Variants in EPG5 observed in about 807,000 individuals in gnomAD.
EPG5 encodes the protein ectopic P granules protein 5 homolog.
EPG5 carries 159 observed loss-of-function variants against 302.7 expected under a neutral mutation model. That is an observed-to-expected ratio of 0.53 (90% confidence interval 0.46 to 0.60). EPG5 has a LOEUF of 0.60. Among genes scored for constraint, EPG5 ranks in the 20% least tolerant of loss-of-function variants. The pLI is 0.00. For missense variants in EPG5, 2,896 were observed against 3,092.4 expected (o/e 0.94, Z 1.51); for synonymous variants, 1,158 against 1,136.8 (o/e 1.02, Z -0.37).
chr18:45,801,045 C>T, the EPG5 span, among the ~76,000 whole-genome samples: 11 of 151,930 alleles, frequency 7.2e-5, no homozygotes, highest in Middle Eastern at 3.4e-3. Flanking sequence ...GGTTGTTTTT[C>T]GGTTTTTTTG....
intron 1 of EPG5, among the ~76,000 whole-genome samples, chr18:45,961,418 C>T (rs1283516162): frequency 6.6e-6 from 1 of 152,214 alleles, no homozygotes; most frequent in Non-Finnish European, 1.5e-5. Context: ...ACCACACTGC[C>T]TCCTTGCAGT....
At chr18:45,890,587 A>AC (rs1568126522) in intron 27 of EPG5, among the ~76,000 whole-genome samples, 1 of 151,840 alleles carries the variant, frequency 6.6e-6, no homozygotes, top group Non-Finnish European at 1.5e-5. Context: ...CTTTAAAAAA[A>AC]AACTAAATTT....
At chr18:45,874,007 G>T (rs1256494708) in intron 35 of EPG5, among the ~76,000 whole-genome samples, 1 of 152,206 alleles carries the variant, frequency 6.6e-6, no homozygotes, top group Non-Finnish European at 1.5e-5. Context: ...GGGTTGAGGG[G>T]AGGGAGAGAT....
In EPG5 at chr18:45,893,024, T is replaced by C. The variant is rs28579817; in HGVS notation, c.4810-3084A>G. Among the ~76,000 whole-genome samples, 442 of 152,328 alleles carry C rather than the reference T, an allele frequency of 2.9e-3. 2 individuals are homozygous for C. Among genetic ancestry groups the C allele is most frequent in the African/African-American group, 0.01 (418 of 41,574 alleles). On this transcript the variant is annotated intron_variant, in intron 27 of 43. Coordinates refer to ENST00000282041, the MANE Select transcript of EPG5 (RefSeq NM_020964.3). The stretch of plus-strand genomic sequence containing the variant: ...GAGAGAAAATGAAATGGTACCTATA[T>C]TCATTTACATGAGATTTAACTGTCA...
intron 24 of EPG5, among the ~76,000 whole-genome samples, chr18:45,906,581 C>T (rs1056427215): frequency 2.0e-5 from 3 of 152,120 alleles, no homozygotes; most frequent in African/African-American, 7.2e-5. Flanking sequence ...TCAAAGGTCA[C>T]CACTCCAGGC....
intron 30 of EPG5, among the ~76,000 whole-genome samples, chr18:45,884,338 C>G (rs2049170559): frequency 3.3e-5 from 5 of 152,252 alleles, no homozygotes; most frequent in African/African-American, 1.2e-4. Flanking sequence ...CAAAACCATC[C>G]CCTCTACTCC....
intron 11 of EPG5, among the ~76,000 whole-genome samples, chr18:45,931,575 T>C (rs1304301297): frequency 6.6e-6 from 1 of 152,218 alleles, no homozygotes; most frequent in East Asian, 1.9e-4. Context: ...GGCTCACACC[T>C]GTAATCCCAG....
At chr18:45,823,761 G>A in the EPG5 span, among the ~76,000 whole-genome samples, 7 of 152,184 alleles carry the variant, frequency 4.6e-5, no homozygotes, top group African/African-American at 1.4e-4. Context: ...AAGGAAAGGC[G>A]ATGGAACAGA....
chr18:45,920,249 G>A (rs1213035045), intron 16 of EPG5, among the ~76,000 whole-genome samples: 1 of 152,156 alleles, frequency 6.6e-6, no homozygotes, highest in African/African-American at 2.4e-5. Flanking sequence ...CCTTCATAGA[G>A]CAAACAGTCA....
At chr18:45,847,180 T>C (rs188180161), downstream of EPG5, among the ~76,000 whole-genome samples, 1 of 152,210 alleles carries the variant, frequency 6.6e-6, no homozygotes, top group Non-Finnish European at 1.5e-5. Flanking sequence ...CCTTGGCCCA[T>C]TCAAAGTGCA....
At chr18:45,822,771 CA>C in the EPG5 span, among the ~76,000 whole-genome samples, 435 of 151,984 alleles carry the variant, frequency 2.9e-3, no homozygotes, top group African/African-American at 0.01. Flanking sequence ...ACTTATAATC[CA>C]ATCAGAGAAA....
the EPG5 span, among the ~76,000 whole-genome samples, chr18:45,831,168 A>G: frequency 6.6e-6 from 1 of 151,908 alleles, no homozygotes; most frequent in Admixed American, 6.6e-5. Context: ...GCGGCAGTGA[A>G]CCCCTCCATG....
the EPG5 span, among the ~76,000 whole-genome samples, chr18:45,816,212 G>A: frequency 0.12 from 18,750 of 152,016 alleles, 3,122 homozygotes; most frequent in African/African-American, 0.38. Flanking sequence ...GGAAAAACTC[G>A]TCTAGACATT....
intron 11 of EPG5, 124 bp from the exon 12 acceptor site, chr18:45,930,954 T>C: frequency 1.0e-6 from 1 of 953,138 alleles, no homozygotes; most frequent in South Asian, 2.2e-5. Flanking sequence ...TGTTCCAAAA[T>C]AGATTTCTAC....
the EPG5 span, among the ~76,000 whole-genome samples, chr18:45,817,473 G>A: frequency 4.0e-4 from 61 of 152,200 alleles, no homozygotes; most frequent in Admixed American, 5.2e-4. Flanking sequence ...CTGTGAGTGA[G>A]GAATTCATGA....
intron 42 of EPG5, among the ~76,000 whole-genome samples, chr18:45,857,049 G>A (rs1327326705): frequency 1.3e-5 from 2 of 152,060 alleles, no homozygotes; most frequent in African/African-American, 4.8e-5. Flanking sequence ...CTCCTGAGTA[G>A]CTGGGACTAC....
intron 35 of EPG5, among the ~76,000 whole-genome samples, chr18:45,871,892 C>G (rs529913253): frequency 0.046 from 6,964 of 152,122 alleles, 279 homozygotes; most frequent in Admixed American, 0.13. Context: ...CTACCGTCCA[C>G]AACAATGCAT....
chr18:45,852,692 C>G (rs2048440290), intron 43 of EPG5, 43 bp from the exon 44 acceptor site: 11 of 1,535,312 alleles, frequency 7.2e-6, no homozygotes, highest in African/African-American at 1.4e-5. Flanking sequence ...CATAGAGGCA[C>G]ATAATGTGAC....
chr18:45,871,356 T>C (rs1204738395), intron 35 of EPG5, among the ~76,000 whole-genome samples: 1 of 152,120 alleles, frequency 6.6e-6, no homozygotes, highest in African/African-American at 2.4e-5. Context: ...ACAACCATTA[T>C]GGAAAAAGGC....
Sources: gnomAD v4.1 joint callset for allele counts (sites outside exome capture counted in the v4.1 genomes callset) on GRCh38, gnomAD v4.1.1 for gene constraint, MANE v1.5 for transcripts, NCBI Gene and HGNC (gene_info 2026-07-23, HGNC 2026-07-21) for gene names.